ACOT1: variants seen among roughly 807,000 people sequenced by gnomAD.
ACOT1 encodes the protein acyl-CoA thioesterase 1, also known as acyl-coenzyme A thioesterase 1.
ACOT1 carries 8 observed loss-of-function variants against 15.7 expected under a neutral mutation model. That is an observed-to-expected ratio of 0.51 (90% CI 0.30 to 0.92). ACOT1 has a LOEUF of 0.92. Among genes scored for constraint, ACOT1 ranks in the 40% least tolerant of loss-of-function variants. ACOT1 has a pLI of 0.06. For synonymous variants in ACOT1, 67 were observed against 241.2 expected, an observed-to-expected ratio of 0.28 and a Z score of 6.69; for missense variants, 151 against 539.4, an observed-to-expected ratio of 0.28 and a Z score of 7.13.
chr14:73,506,217 G>C, the ACOT1 span, among the ~76,000 whole-genome samples: 1 of 152,078 alleles, frequency 6.6e-6, no homozygotes, highest in Non-Finnish European at 1.5e-5. Flanking sequence ...ACTCCTGTCA[G>C]TTTTTGTGCT....
the ACOT1 span, among the ~76,000 whole-genome samples, chr14:73,518,008 C>T: frequency 6.6e-6 from 1 of 152,170 alleles, no homozygotes; most frequent in Admixed American, 6.5e-5. Flanking sequence ...ATCACTTGAA[C>T]CCAGGAGGCG....
At chr14:73,524,938 A>G in the ACOT1 span, among the ~76,000 whole-genome samples, 2 of 152,142 alleles carry the variant, frequency 1.3e-5, no homozygotes, top group Non-Finnish European at 2.9e-5. Context: ...TCCCTAGGGC[A>G]TGATTTCTCT....
At chr14:73,506,036 G>A in the ACOT1 span, among the ~76,000 whole-genome samples, 5 of 151,756 alleles carry the variant, frequency 3.3e-5, no homozygotes, top group African/African-American at 4.8e-5. Flanking sequence ...GATTATAGGC[G>A]CGTGCCACCA....
chr14:73,502,843 A>G, the ACOT1 span: 17 of 1,440,122 alleles, frequency 1.2e-5, no homozygotes, highest in Non-Finnish European at 1.6e-5. Context: ...CCTGCCTCCT[A>G]AACACTTCTA....
chr14:73,513,563 C>T, the ACOT1 span, among the ~76,000 whole-genome samples: 1 of 151,474 alleles, frequency 6.6e-6, no homozygotes, highest in Non-Finnish European at 1.5e-5. Context: ...CCATCTCTAC[C>T]AAAGATACAA....
At chr14:73,522,728 G>A in the ACOT1 span, 1 of 1,614,200 alleles carries the variant, frequency 6.2e-7, no homozygotes, top group Non-Finnish European at 8.5e-7. Flanking sequence ...TTCGGGATTG[G>A]CAGAGCTTTC....
chr14:73,520,780 G>A, the ACOT1 span: 1 of 1,400,584 alleles, frequency 7.1e-7, no homozygotes, highest in East Asian at 2.3e-5. Flanking sequence ...ACTGTTTCCA[G>A]CCCCCAGCAA....
chr14:73,523,816 C>G, the ACOT1 span, among the ~76,000 whole-genome samples: 9 of 152,220 alleles, frequency 5.9e-5, no homozygotes, highest in Admixed American at 2.0e-4. Context: ...CAGGTCATAC[C>G]CAAGTTTATA....
At chr14:73,525,173 G>T in the ACOT1 span, among the ~76,000 whole-genome samples, 2 of 152,088 alleles carry the variant, frequency 1.3e-5, no homozygotes, top group Admixed American at 6.6e-5. Flanking sequence ...GGGACTACAG[G>T]TGCATGCGCC....
the ACOT1 span, among the ~76,000 whole-genome samples, chr14:73,494,381 C>T: frequency 1.3e-5 from 2 of 152,104 alleles, no homozygotes; most frequent in African/African-American, 4.8e-5. Flanking sequence ...ATTTAGGTTG[C>T]GTCTGGGACT....
At chr14:73,509,852 ATATATATATATATATATTTATT>A in the ACOT1 span, among the ~76,000 whole-genome samples, 181 of 60,038 alleles carry the variant, frequency 3.0e-3, 7 homozygotes, top group Middle Eastern at 0.03. Flanking sequence ...ATATATATAT[ATATATATATATATATATTTATT>A]TATTTTATAT....
the ACOT1 span, chr14:73,495,514 T>A: frequency 1.4e-6 from 1 of 731,292 alleles, no homozygotes; most frequent in Non-Finnish European, 2.2e-6. Context: ...GCCCAACAGT[T>A]CAAGGCTACA....
the ACOT1 span, chr14:73,492,220 G>A: frequency 6.2e-7 from 1 of 1,613,962 alleles, no homozygotes; most frequent in Non-Finnish European, 8.5e-7. The surrounding 1 kb of genome is among the most constrained non-coding windows in gnomAD (Gnocchi z 4.9). Flanking sequence ...ATTTTCCTCG[G>A]GGCTTCATTC....
the ACOT1 span, chr14:73,491,764 G>T: frequency 6.4e-7 from 1 of 1,566,306 alleles, no homozygotes; most frequent in Non-Finnish European, 8.6e-7. Context: ...ACCTGGATTC[G>T]ATGCTGCGCA....
At chr14:73,505,059 T>A in the ACOT1 span, among the ~76,000 whole-genome samples, 2 of 151,852 alleles carry the variant, frequency 1.3e-5, no homozygotes, top group Admixed American at 1.3e-4. Flanking sequence ...AGCCTCCAAG[T>A]AGCTGGGATG....
At chr14:73,494,155 C>T in the ACOT1 span, among the ~76,000 whole-genome samples, 6 of 152,100 alleles carry the variant, frequency 3.9e-5, no homozygotes, top group African/African-American at 9.7e-5. Flanking sequence ...TCTGGCAGTT[C>T]GAAGAAACTT....
chr14:73,533,450 G>GCA (rs1232740407), upstream of ACOT1, among the ~76,000 whole-genome samples: 1 of 114,684 alleles, frequency 8.7e-6, no homozygotes, highest in Admixed American at 9.9e-5. Context: ...AGGCCGAGGA[G>GCA]GGTAGATCAC....
At chr14:73,498,594 C>G in the ACOT1 span, among the ~76,000 whole-genome samples, 2 of 152,146 alleles carry the variant, frequency 1.3e-5, no homozygotes, top group African/African-American at 4.8e-5. Context: ...CATGGAAGAC[C>G]TGCCTAGTCC....
rs1469965946 is a variant in ACOT1 at position 73,540,961 on chromosome 14, C to T, written c.458-532C>T. 2.7e-4 allele frequency among the ~76,000 whole-genome samples: 31 copies of T among 115,618 alleles called. 3 individuals carry two copies. The highest frequency in any genetic ancestry group is 5.8e-4 in the Non-Finnish European group (31 of 53,172). The allele number at this position is 115,618 out of a possible 152,430, so 75.8% of individuals were successfully genotyped here. On this transcript the variant is annotated intron_variant, in intron 1 of 2. Transcript: ENST00000311148. ...TTCACCATGTTGGCCAGGCTGGTCTCGAACTCCTGACCTCAGGTGATCCAC... is the reference window on the plus strand; with the variant it reads ...TTCACCATGTTGGCCAGGCTGGTCTTGAACTCCTGACCTCAGGTGATCCAC...
Sources: gnomAD v4.1 joint callset for allele counts (sites outside exome capture counted in the v4.1 genomes callset) on GRCh38, gnomAD v4.1.1 for gene constraint, Gnocchi (gnomAD v3.1) non-coding constraint, MANE v1.5 for transcripts, NCBI Gene and HGNC (gene_info 2026-07-23, HGNC 2026-07-21) for gene names.